TTC23: variants seen among roughly 807,000 people sequenced by gnomAD.
TTC23 encodes tetratricopeptide repeat domain 23.
A neutral mutation model predicts 55.1 loss-of-function variants in TTC23; 58 were observed. That is an observed-to-expected ratio of 1.05 (90% CI 0.85 to 1.31). The LOEUF (loss-of-function observed/expected upper bound fraction) is 1.31, where lower values mean the gene tolerates loss of function less well. TTC23 is among the 50% of genes most tolerant of loss of function. The pLI, the probability that TTC23 is intolerant of heterozygous loss-of-function variation, is 0.00. For missense variants in TTC23, 516 were observed against 534.4 expected, an observed-to-expected ratio of 0.97 and a Z score of 0.34; for synonymous variants, 203 against 199.9, an observed-to-expected ratio of 1.02 and a Z score of -0.13.
intron 12 of TTC23, 35 bp downstream of exon 12, chr15:99,156,113 G>A: frequency 6.2e-7 from 1 of 1,613,534 alleles, no homozygotes; most frequent in Non-Finnish European, 8.5e-7. Context: ...GGGAGGGAGA[G>A]CCTAGTCTCG....
rs113608532 is a variant in TTC23, at chr15:99,203,921, G to A, written c.582-3825C>T. The stretch of plus-strand genomic sequence containing the variant: ...TGATTGACACTTATGTTGAGTCCTA[G>A]GTTGGCCATTGTGAATAGTGCTGCA... On this transcript the variant is annotated intron_variant, in intron 8 of 13. Transcript: ENST00000394132. Among the ~76,000 whole-genome samples, 340 of 152,136 alleles carry A rather than the reference G, an allele frequency of 2.2e-3. 5 individuals are homozygous for A. Among genetic ancestry groups the A allele is most frequent in the African/African-American group, 7.6e-3 (317 of 41,504 alleles).
At chr15:99,204,632 G>GTTTCTTTTTTTT (rs2076456562) in intron 8 of TTC23, among the ~76,000 whole-genome samples, 2 of 60,892 alleles carry the variant, frequency 3.3e-5, no homozygotes, top group African/African-American at 6.8e-5. Flanking sequence ...TAGATTTAAG[G>GTTTCTTTTTTTT]TTTTTTTTTT....
At chr15:99,250,555 G>A (rs1370594687), upstream of TTC23, among the ~76,000 whole-genome samples, 2 of 152,134 alleles carry the variant, frequency 1.3e-5, no homozygotes, top group African/African-American at 4.8e-5. Context: ...AAGGAAATTT[G>A]TCATATTAAT....
chr15:99,154,372 A>C (rs1227996386), intron 12 of TTC23, among the ~76,000 whole-genome samples: 1 of 152,212 alleles, frequency 6.6e-6, no homozygotes, highest in Non-Finnish European at 1.5e-5. Flanking sequence ...ACTTAATCCA[A>C]AATGCAACAC....
At chr15:99,162,932 A>T (rs1287453105) in intron 10 of TTC23, among the ~76,000 whole-genome samples, 1 of 152,072 alleles carries the variant, frequency 6.6e-6, no homozygotes, top group African/African-American at 2.4e-5. Flanking sequence ...CAAAAAAAAA[A>T]ATTAGCCAGA....
At chr15:99,138,382 C>T (rs189816000) in intron 13 of TTC23, among the ~76,000 whole-genome samples, 170 of 152,004 alleles carry the variant, frequency 1.1e-3, no homozygotes, top group Middle Eastern at 6.8e-3. Flanking sequence ...GGCCCCATCT[C>T]GGCTCCCTGC....
chr15:99,225,960 C>T (rs1404226607), intron 5 of TTC23, among the ~76,000 whole-genome samples: 1 of 152,222 alleles, frequency 6.6e-6, no homozygotes, highest in Non-Finnish European at 1.5e-5. Context: ...CCATGTCACA[C>T]CTGTGGTAGT....
chr15:99,199,074 T>A (rs991730129), intron 9 of TTC23, among the ~76,000 whole-genome samples: 2 of 152,158 alleles, frequency 1.3e-5, no homozygotes, highest in African/African-American at 4.8e-5. Flanking sequence ...TTTGTAGATG[T>A]GATTAATATT....
upstream of TTC23, chr15:99,251,222 G>A (rs1012628170): frequency 1.3e-5 from 2 of 152,404 alleles, no homozygotes; most frequent in Admixed American, 6.5e-5. Context: ...GGAAGCAAGA[G>A]TAGAGCCGCG....
intron 10 of TTC23, among the ~76,000 whole-genome samples, chr15:99,172,076 G>A (rs2073019548): frequency 6.6e-6 from 1 of 150,450 alleles, no homozygotes; most frequent in Non-Finnish European, 1.5e-5. Flanking sequence ...GGAGTGCAGT[G>A]GCACAATCTT....
intron 12 of TTC23, chr15:99,144,774 A>G (rs1555492149): frequency 6.6e-6 from 1 of 152,236 alleles, no homozygotes; most frequent in East Asian, 1.9e-4. Flanking sequence ...AAAGCTAAAG[A>G]AAGGTAAATT....
chr15:99,203,323 A>T (rs183371208), intron 8 of TTC23, among the ~76,000 whole-genome samples: 696 of 152,250 alleles, frequency 4.6e-3, no homozygotes, highest in Middle Eastern at 6.8e-3. Flanking sequence ...AAATTTTTTT[A>T]AAAAAATTTT....
intron 8 of TTC23, among the ~76,000 whole-genome samples, chr15:99,205,090 A>G: frequency 6.6e-6 from 1 of 152,146 alleles, no homozygotes; most frequent in East Asian, 1.9e-4. Context: ...GCACCTTTGT[A>G]AAAAATGAGT....
intron 8 of TTC23, among the ~76,000 whole-genome samples, chr15:99,209,828 G>C (rs970737657): frequency 3.3e-5 from 5 of 152,110 alleles, no homozygotes; most frequent in Admixed American, 3.3e-4. Flanking sequence ...TCTGCCTCCC[G>C]GTCTCAAGCA....
chr15:99,173,173 A>G (rs1463861887), intron 10 of TTC23, among the ~76,000 whole-genome samples: 1 of 152,228 alleles, frequency 6.6e-6, no homozygotes, highest in East Asian at 1.9e-4. Context: ...CCCCCAAGGA[A>G]AACAGGAAAG....
At chr15:99,156,408 G>C (rs2070577825) in intron 11 of TTC23, 111 bp from the exon 12 acceptor site, 3 of 1,286,512 alleles carry the variant, frequency 2.3e-6, no homozygotes, top group African/African-American at 1.5e-5. Context: ...AGCTGAGCCT[G>C]TTCTCCTCTT....
intron 9 of TTC23, among the ~76,000 whole-genome samples, chr15:99,177,438 T>A (rs1736987174): frequency 6.6e-6 from 1 of 152,222 alleles, no homozygotes; most frequent in Admixed American, 6.5e-5. Context: ...ACTATGAAAT[T>A]CAACTTCATG....
At chr15:99,167,959 A>G (rs780925159) in intron 10 of TTC23, among the ~76,000 whole-genome samples, 16 of 152,218 alleles carry the variant, frequency 1.1e-4, no homozygotes, top group Non-Finnish European at 2.4e-4. Flanking sequence ...CTCACCCAGG[A>G]AACACATTGA....
chr15:99,164,347 G>A (rs960044724), intron 10 of TTC23, among the ~76,000 whole-genome samples: 3 of 152,182 alleles, frequency 2.0e-5, no homozygotes, highest in Admixed American at 6.5e-5. Flanking sequence ...AAAACAGGTG[G>A]TGAGCAAATT....
Sources: allele counts gnomAD v4.1 joint callset (sites outside exome capture counted in the v4.1 genomes callset), GRCh38; gene constraint gnomAD v4.1.1; transcripts MANE v1.5; gene names NCBI Gene and HGNC (gene_info 2026-07-23, HGNC 2026-07-21).